Variants in ARL17A observed in about 807,000 individuals in gnomAD.
ARL17A encodes ARF like GTPase 17A.
At chr17:46,517,242 G>A (rs2051509841) in intron 3 of ARL17A, 1 of 765,052 alleles carries the variant, frequency 1.3e-6, no homozygotes, top group East Asian at 2.7e-5. Context: ...CTCTGGAAAT[G>A]AGAAAGCAGG....
At chr17:46,543,664 T>C (rs1202598828) in intron 3 of ARL17A, among the ~76,000 whole-genome samples, 1 of 150,894 alleles carries the variant, frequency 6.6e-6, no homozygotes, top group African/African-American at 2.5e-5. Flanking sequence ...AGAAAATGTA[T>C]AGACATACAC....
downstream of ARL17A, among the ~76,000 whole-genome samples, chr17:46,525,601 A>ATAT (rs1491555815): frequency 7.0e-3 from 377 of 53,858 alleles, 2 homozygotes; most frequent in African/African-American, 0.019. Context: ...AATAATAATA[A>ATAT]TATAATAATA....
chr17:46,550,988 G>A (rs1369865869), downstream of ARL17A, among the ~76,000 whole-genome samples: 2 of 149,720 alleles, frequency 1.3e-5, no homozygotes, highest in African/African-American at 2.6e-5. Flanking sequence ...GTCCTCCAGT[G>A]TGTAAGGCAT....
At chr17:46,569,531 T>TA (rs1023900498) in intron 3 of ARL17A, among the ~76,000 whole-genome samples, 2 of 136,600 alleles carry the variant, frequency 1.5e-5, no homozygotes, top group Non-Finnish European at 3.1e-5. Flanking sequence ...CTAAAAAAGT[T>TA]AAAAAAATAA....
chr17:46,522,732 C>T (rs1367308169), intron 3 of ARL17A, among the ~76,000 whole-genome samples: 2 of 6,866 alleles, frequency 2.9e-4, no homozygotes, highest in African/African-American at 2.1e-3. Context: ...CCTGAGCCAC[C>T]GCACCCGGCC....
chr17:46,569,332 A>T (rs1458359755), intron 3 of ARL17A, among the ~76,000 whole-genome samples: 1 of 150,020 alleles, frequency 6.7e-6, no homozygotes. Flanking sequence ...TGGAGATGTT[A>T]TAATAGCATG....
intron 2 of ARL17A, among the ~76,000 whole-genome samples, chr17:46,575,010 C>T (rs905341198): frequency 1.3e-5 from 1 of 74,378 alleles, no homozygotes; most frequent in Non-Finnish European, 3.5e-5. Context: ...GCATGAGAAT[C>T]GCCTGAACCC....
chr17:46,548,788 C>T (rs1345660869), downstream of ARL17A: 2 of 1,611,738 alleles, frequency 1.2e-6, no homozygotes, highest in East Asian at 2.2e-5. Context: ...GGTGGAACAG[C>T]CCCACACACA....
intron 2 of ARL17A, among the ~76,000 whole-genome samples, chr17:46,575,422 G>A (rs1342141325): frequency 1.3e-5 from 2 of 151,590 alleles, no homozygotes; most frequent in Admixed American, 6.6e-5. Context: ...CACTGGGAGC[G>A]TACTTGGTGT....
downstream of ARL17A, chr17:46,548,218 C>T: frequency 3.3e-6 from 1 of 302,724 alleles, no homozygotes; most frequent in Non-Finnish European, 5.4e-6. Flanking sequence ...TGTTTGCTGA[C>T]TCCTACTCTG....
chr17:46,502,125 C>T, the ARL17A span, among the ~76,000 whole-genome samples: 1 of 151,166 alleles, frequency 6.6e-6, no homozygotes, highest in South Asian at 2.1e-4. Context: ...GAGACCACTT[C>T]ATAAGCTTTA....
downstream of ARL17A, chr17:46,548,534 T>C (rs1396425860): frequency 7.0e-6 from 10 of 1,429,876 alleles, no homozygotes; most frequent in Non-Finnish European, 9.5e-6. Flanking sequence ...GCGGTAAACC[T>C]AGATGTGAAA....
At chr17:46,548,079 CTA>C, downstream of ARL17A, 1 of 108,556 alleles carries the variant, frequency 9.2e-6, no homozygotes, top group East Asian at 2.2e-4. Context: ...CAGAGTTACT[CTA>C]TGTCACACTA....
At chr17:46,535,106 C>G (rs1240592332) in intron 4 of ARL17A, among the ~76,000 whole-genome samples, 1 of 148,326 alleles carries the variant, frequency 6.7e-6, no homozygotes, top group Non-Finnish European at 1.5e-5. Flanking sequence ...ATTGCCAGTG[C>G]TGGTATCCAA....
intron 4 of ARL17A, among the ~76,000 whole-genome samples, chr17:46,534,914 C>T (rs1376786930): frequency 6.7e-6 from 1 of 149,738 alleles, no homozygotes; most frequent in Non-Finnish European, 1.5e-5. Flanking sequence ...CGGAGGGGCT[C>T]CTCACTTCTC....
At chr17:46,547,145 A>G (rs1417153674) in intron 3 of ARL17A, 1 of 27,114 alleles carries the variant, frequency 3.7e-5, no homozygotes, top group Non-Finnish European at 7.7e-5. Flanking sequence ...AGTGTTGCTT[A>G]TTTTTCAAAA....
chr17:46,539,774 A>AAAAAAAAT, intron 3 of ARL17A, among the ~76,000 whole-genome samples: 1 of 143,234 alleles, frequency 7.0e-6, no homozygotes, highest in Middle Eastern at 3.5e-3. Flanking sequence ...ATCTCAAAAA[A>AAAAAAAAT]AAAAAAAAAA....
At chr17:46,502,313 A>G in the ARL17A span, among the ~76,000 whole-genome samples, 1 of 150,954 alleles carries the variant, frequency 6.6e-6, no homozygotes, top group Admixed American at 6.6e-5. Context: ...GGGTCCTTTT[A>G]TTTTTTGTTT....
chr17:46,525,639 ATC>A (rs1470103377), downstream of ARL17A, among the ~76,000 whole-genome samples: 2 of 122,734 alleles, frequency 1.6e-5, no homozygotes, highest in African/African-American at 5.7e-5. Context: ...CATCATCATC[ATC>A]ATCATCTAGC....
Sources: gnomAD v4.1 joint callset for allele counts (sites outside exome capture counted in the v4.1 genomes callset) on GRCh38, gnomAD v4.1.1 for gene constraint, MANE v1.5 for transcripts, NCBI Gene and HGNC (gene_info 2026-07-23, HGNC 2026-07-21) for gene names.